FBXL20: variants seen among roughly 807,000 people sequenced by gnomAD.
FBXL20 encodes F-box and leucine rich repeat protein 20.
A neutral mutation model predicts 64.0 loss-of-function variants in FBXL20; 11 were observed. The ratio of observed to expected loss-of-function variants is 0.17; its 90% CI spans 0.11 to 0.28. The LOEUF (loss-of-function observed/expected upper bound fraction) is 0.28, where lower values mean the gene tolerates loss of function less well. FBXL20 is among the 10% of genes least tolerant of loss of function. The pLI is 1.00. For missense variants in FBXL20, 303 were observed against 526.2 expected (o/e 0.58, Z 4.15); for synonymous variants, 184 against 189.0 (o/e 0.97, Z 0.22).
chr17:39,328,248 C>CAAAA (rs141259755), intron 2 of FBXL20, among the ~76,000 whole-genome samples: 17 of 55,106 alleles, frequency 3.1e-4, no homozygotes, highest in African/African-American at 1.5e-3. Context: ...AACTCTGCCT[C>CAAAA]AAAAAAAAAA....
Position 39,379,548 on chromosome 17 carries a change from G to A in FBXL20, c.42+21813C>T, listed in dbSNP as rs184307618. ...CTATAATCCCACTTTGGGAGGTCAA[G>A]GCAGGAGGATCACTTGAGATCAGGA... is the stretch of plus-strand genomic sequence containing the variant. On this transcript the variant is annotated intron_variant, in intron 1 of 14. Transcript: ENST00000264658. Among the ~76,000 whole-genome samples, 276 of 150,740 alleles carry A rather than the reference G, an allele frequency of 1.8e-3. 1 individual carries two copies. The highest frequency in any genetic ancestry group is 9.7e-4 in the East Asian group (5 of 5,136).
At chr17:39,311,709 C>T (rs1220970817) in intron 2 of FBXL20, among the ~76,000 whole-genome samples, 2 of 152,154 alleles carry the variant, frequency 1.3e-5, no homozygotes, top group Non-Finnish European at 2.9e-5. Context: ...ATTCACTAAA[C>T]TGTACTTTTA....
At position 39,323,946 on chromosome 17, in the gene FBXL20, A is replaced by G. The variant is rs371940040; in HGVS notation, c.104+19234T>C. Among the ~76,000 whole-genome samples the G allele has an allele frequency of 7.7e-3, 1,101 of 142,838 alleles. 5 individuals carry two copies. Among genetic ancestry groups the G allele is most frequent in the African/African-American group, 0.031 (1,039 of 33,130 alleles). 93.7% of individuals were successfully genotyped at this position (142,838 alleles called of 152,430 possible). The stretch of plus-strand genomic sequence containing the variant: ...ACGCCTGGCTATTTTTTGTATTTTT[A>G]GTAGAGACGGGGTTTCACCATGTTG... On this transcript the variant is annotated intron_variant, in intron 2 of 14. Transcript: ENST00000264658.
At chr17:39,377,833 T>C (rs2047982933) in intron 1 of FBXL20, among the ~76,000 whole-genome samples, 1 of 152,120 alleles carries the variant, frequency 6.6e-6, no homozygotes, top group African/African-American at 2.4e-5. Flanking sequence ...ATTGGCTCTA[T>C]CTAGGCAGCG....
At chr17:39,387,310 AC>A (rs1323968224) in intron 1 of FBXL20, among the ~76,000 whole-genome samples, 1 of 126,798 alleles carries the variant, frequency 7.9e-6, no homozygotes, top group East Asian at 2.3e-4. Flanking sequence ...ACAAAGTCCC[AC>A]TCTTGTCCCC....
chr17:39,298,880 T>C, intron 5 of FBXL20, 110 bp downstream of exon 5: 1 of 786,940 alleles, frequency 1.3e-6, no homozygotes. Flanking sequence ...AAGCAATGTG[T>C]GGTTGCATTT....
At chr17:39,298,188 C>T (rs537108705) in intron 5 of FBXL20, among the ~76,000 whole-genome samples, 8 of 152,276 alleles carry the variant, frequency 5.3e-5, no homozygotes, top group Non-Finnish European at 8.8e-5. Flanking sequence ...AATCACAGCT[C>T]ACTGTAGCCT....
intron 2 of FBXL20, among the ~76,000 whole-genome samples, chr17:39,322,114 G>C (rs1460401181): frequency 7.1e-6 from 1 of 140,104 alleles, no homozygotes; most frequent in African/African-American, 2.6e-5. Context: ...TCACTTGAGG[G>C]TAGAAGTTCG....
upstream of FBXL20, chr17:39,401,676 C>T (rs2048246956): frequency 1.1e-5 from 14 of 1,286,762 alleles, no homozygotes; most frequent in South Asian, 2.3e-4. Context: ...CTGCCAGCAA[C>T]GCCGCTGCTC....
chr17:39,357,047 G>A (rs2047748106), intron 1 of FBXL20, among the ~76,000 whole-genome samples: 1 of 151,110 alleles, frequency 6.6e-6, no homozygotes, highest in Admixed American at 6.6e-5. Context: ...GGCCAAGGCG[G>A]GTGGATCACC....
At chr17:39,375,752 C>G (rs2047961190) in intron 1 of FBXL20, among the ~76,000 whole-genome samples, 1 of 152,160 alleles carries the variant, frequency 6.6e-6, no homozygotes, top group African/African-American at 2.4e-5. Context: ...AGAAAAACGG[C>G]TGAATCTCAG....
At chr17:39,315,457 T>G (rs376642660) in intron 2 of FBXL20, among the ~76,000 whole-genome samples, 12 of 149,986 alleles carry the variant, frequency 8.0e-5, no homozygotes, top group East Asian at 5.8e-4. Flanking sequence ...TTTCTTCCTC[T>G]TCCTTTCCTT....
At chr17:39,375,849 G>C (rs987398642) in intron 1 of FBXL20, among the ~76,000 whole-genome samples, 1 of 152,166 alleles carries the variant, frequency 6.6e-6, no homozygotes, top group African/African-American at 2.4e-5. Context: ...GCTGGGCGTG[G>C]TGGCTCAAGC....
chr17:39,323,927 G>A (rs2047382512), intron 2 of FBXL20, among the ~76,000 whole-genome samples: 1 of 149,940 alleles, frequency 6.7e-6, no homozygotes, highest in African/African-American at 2.5e-5. Context: ...CACCACGCCT[G>A]GCTATTTTTT....
chr17:39,306,238 C>T (rs923918776), intron 2 of FBXL20, among the ~76,000 whole-genome samples: 2 of 151,318 alleles, frequency 1.3e-5, no homozygotes, highest in African/African-American at 4.9e-5. Context: ...GCAACCTCAG[C>T]CTCTTGGGGT....
chr17:39,359,656 T>C (rs986532467), intron 1 of FBXL20, among the ~76,000 whole-genome samples: 11 of 150,746 alleles, frequency 7.3e-5, no homozygotes, highest in Admixed American at 1.3e-4. Context: ...TGTGGAGAAA[T>C]TGGAAACCTT....
intron 2 of FBXL20, among the ~76,000 whole-genome samples, chr17:39,317,689 G>GTTTTTTTTTTTTTTTTTTTTTTTTTTTTT (rs756785816): frequency 2.1e-5 from 1 of 47,136 alleles, no homozygotes; most frequent in Non-Finnish European, 4.0e-5. Context: ...TTTTTTTTTT[G>GTTTTTTTTTTTTTTTTTTTTTTTTTTTTT]TTTTTTTTTT....
At chr17:39,316,696 A>G (rs2047295548) in intron 2 of FBXL20, among the ~76,000 whole-genome samples, 1 of 152,218 alleles carries the variant, frequency 6.6e-6, no homozygotes, top group South Asian at 2.1e-4. Flanking sequence ...GTTTAAGAAG[A>G]ATGGGACGGC....
chr17:39,332,403 G>C (rs59743097), intron 2 of FBXL20, among the ~76,000 whole-genome samples: 1 of 152,080 alleles, frequency 6.6e-6, no homozygotes, highest in Non-Finnish European at 1.5e-5. Flanking sequence ...CACATGTGTC[G>C]TCACAACTTG....
Sources: gnomAD v4.1 joint callset for allele counts (sites outside exome capture counted in the v4.1 genomes callset) on GRCh38, gnomAD v4.1.1 for gene constraint, MANE v1.5 for transcripts, NCBI Gene and HGNC (gene_info 2026-07-23, HGNC 2026-07-21) for gene names.